Variants in MAL2 observed in about 807,000 individuals in gnomAD.
The protein encoded by MAL2 is mal, T cell differentiation protein 2.
In MAL2, 17 loss-of-function variants were observed where a neutral mutation model predicts 18.1. That is an observed-to-expected ratio of 0.94 (90% CI 0.64 to 1.41). MAL2 has a LOEUF of 1.41. Among genes scored for constraint, MAL2 ranks in the 40% most tolerant of loss-of-function variants. The pLI is 0.00. For missense variants in MAL2, 222 were observed against 231.9 expected (o/e 0.96, Z 0.28); for synonymous variants, 102 against 102.3 (o/e 1.00, Z 0.02).
intron 2 of MAL2, among the ~76,000 whole-genome samples, chr8:119,238,983 A>G (rs1460664356): frequency 6.6e-6 from 1 of 151,812 alleles, no homozygotes; most frequent in Non-Finnish European, 1.5e-5. Context: ...ATCAGAGTGA[A>G]CAGGCAACCT....
chr8:119,229,127 T>C (rs977868875), intron 2 of MAL2, among the ~76,000 whole-genome samples: 3 of 152,186 alleles, frequency 2.0e-5, no homozygotes, highest in Non-Finnish European at 4.4e-5. Flanking sequence ...TTTGGCTACG[T>C]AGCATTCTAA....
At chr8:119,218,253 A>G (rs1053942985) in intron 1 of MAL2, among the ~76,000 whole-genome samples, 11 of 152,056 alleles carry the variant, frequency 7.2e-5, no homozygotes, top group African/African-American at 2.7e-4. Context: ...TCCCCTTTCC[A>G]TGCAGCACAT....
Position 119,243,606 on chromosome 8 carries a change from G to A in MAL2, c.*118G>A, listed in dbSNP as rs1818094353. The A allele has an allele frequency of 1.4e-6, 1 of 726,688 alleles. No individual in the cohort carries two copies. 45.0% of individuals were successfully genotyped at this position (726,688 alleles called of 1,614,324 possible). A position where few individuals can be genotyped will look rare whatever the true frequency, so the allele number is the denominator to read the frequency against. On this transcript the variant is annotated 3_prime_UTR_variant, in exon 4 of 4. Transcript: ENST00000614891. ...CATTCCAAAAGTAATGTGTTTAGTA[G>A]AGAGAGACTCTAAGCTCAAGTTCTG...
chr8:119,231,272 TC>T (rs1817721216), intron 2 of MAL2, among the ~76,000 whole-genome samples: 1 of 152,164 alleles, frequency 6.6e-6, no homozygotes, highest in Non-Finnish European at 1.5e-5. Context: ...GACCTCATGA[TC>T]CGCCCGCCTT....
chr8:119,217,905 T>A (rs1039557275), intron 1 of MAL2, among the ~76,000 whole-genome samples: 14 of 152,300 alleles, frequency 9.2e-5, no homozygotes, highest in Middle Eastern at 3.4e-3. Flanking sequence ...TGAGCATTGG[T>A]CATCTCAATT....
Position 119,243,470 on chromosome 8 carries a change from A to C in MAL2, c.513A>C (p.Leu171Phe), listed in dbSNP as rs779371835. 35 of 1,600,990 alleles carry C rather than the reference A, an allele frequency of 2.2e-5. No homozygotes were observed. The highest frequency in any genetic ancestry group is 2.8e-5 in the Non-Finnish European group (33 of 1,173,020). ...ACYGCSLGLALRRWRP is the reference protein window; with the variant it reads ...ACYGCSLGLAFRRWRP The stretch of plus-strand genomic sequence containing the variant: ...ATGGTTGCAGTTTGGGTCTGGCTTT[A>C]CGAAGATGGCGACCGTAACACTCCT... The change falls in exon 4 of 4, where the codon TTA becomes TTC. Residue 171 changes from leucine to phenylalanine, a missense_variant. Transcript: ENST00000614891.
rs1362610485 is a variant in MAL2, at chr8:119,243,510, C to T, written c.*22C>T. 7 of 1,563,354 alleles carry T rather than the reference C, an allele frequency of 4.5e-6. No homozygotes were observed. The Admixed American group carries it at 5.7e-5, about 13-fold the overall frequency. ...GTAACACTCCTTAGAAACTGGCAGTCGTATGTTAGTTTCACTTGTCTACTT... is the reference window on the plus strand; with the variant it reads ...GTAACACTCCTTAGAAACTGGCAGTTGTATGTTAGTTTCACTTGTCTACTT... On this transcript the variant is annotated 3_prime_UTR_variant, in exon 4 of 4. Transcript: ENST00000614891.
At chr8:119,228,862 T>G (rs1817650033) in intron 2 of MAL2, among the ~76,000 whole-genome samples, 1 of 152,216 alleles carries the variant, frequency 6.6e-6, no homozygotes, top group South Asian at 2.1e-4. Context: ...TCAGTTTTCA[T>G]TCATTTACTA....
At chr8:119,217,347 C>T (rs1817373767) in intron 1 of MAL2, among the ~76,000 whole-genome samples, 1 of 152,188 alleles carries the variant, frequency 6.6e-6, no homozygotes, top group Non-Finnish European at 1.5e-5. Context: ...TTGAGTACTT[C>T]TGGTATGTAC....
chr8:119,234,450 G>C (rs934897145), intron 2 of MAL2, among the ~76,000 whole-genome samples: 2 of 152,178 alleles, frequency 1.3e-5, no homozygotes, highest in African/African-American at 4.8e-5. Context: ...ACTGGGTGGA[G>C]CCCACCACAG....
intron 2 of MAL2, among the ~76,000 whole-genome samples, chr8:119,228,496 G>A (rs1435271949): frequency 6.6e-6 from 1 of 152,100 alleles, no homozygotes; most frequent in African/African-American, 2.4e-5. Context: ...GCATCCTAAA[G>A]GATGACCCCC....
chr8:119,244,812 G>A lies in MAL2; in HGVS notation c.*1324G>A, dbSNP rs905875824. The A allele has an allele frequency of 2.0e-5, 3 of 152,526 alleles. No homozygotes were observed. The highest frequency in any genetic ancestry group is 6.6e-5 in the Admixed American group (1 of 15,252). 9.4% of individuals were successfully genotyped at this position (152,526 alleles called of 1,614,324 possible). ...CACAGAAAAGTATTTTAACCTACCT[G>A]TAGAGATCCTCGTCATGGAAAGGTG... On this transcript the variant is annotated 3_prime_UTR_variant, in exon 4 of 4. Transcript: ENST00000614891.
intron 2 of MAL2, among the ~76,000 whole-genome samples, chr8:119,226,322 G>C (rs1213500478): frequency 1.3e-5 from 2 of 151,804 alleles, no homozygotes; most frequent in Non-Finnish European, 2.9e-5. Flanking sequence ...TGTATAAGGT[G>C]TAAGGAAGGG....
chr8:119,221,364 G>A, intron 1 of MAL2: 1 of 511,400 alleles, frequency 2.0e-6, no homozygotes, highest in Non-Finnish European at 3.5e-6. Context: ...AGATACAGGT[G>A]TGGAGTTGGA....
At chr8:119,233,855 C>A (rs575699566) in intron 2 of MAL2, among the ~76,000 whole-genome samples, 1 of 151,922 alleles carries the variant, frequency 6.6e-6, no homozygotes, top group African/African-American at 2.4e-5. Context: ...ATACCAAAGC[C>A]GGGAAGAGAC....
intron 2 of MAL2, among the ~76,000 whole-genome samples, chr8:119,237,992 T>A (rs1226385530): frequency 6.6e-6 from 1 of 152,206 alleles, no homozygotes; most frequent in African/African-American, 2.4e-5. Flanking sequence ...GAGGAAGTCA[T>A]ATTGTCCCTG....
At chr8:119,227,022 T>C (rs2129837792) in intron 2 of MAL2, among the ~76,000 whole-genome samples, 1 of 152,276 alleles carries the variant, frequency 6.6e-6, no homozygotes, top group African/African-American at 2.4e-5. Flanking sequence ...ATAGGTACAG[T>C]CCACCAGGGG....
In MAL2 at chr8:119,243,878, A is replaced by G. The variant is rs1818100418; in HGVS notation, c.*390A>G. ...CAGCCCCTAAAAAAAACACATTTCA[A>G]ATAGGCTTCCCACTAAACTCTATAT... On this transcript the variant is annotated 3_prime_UTR_variant, in exon 4 of 4. Coordinates refer to ENST00000614891, the MANE Select transcript of MAL2 (RefSeq NM_052886.3). The G allele has an allele frequency of 6.4e-6, 1 of 155,630 alleles. No individual in the cohort carries two copies. The highest frequency in any genetic ancestry group is 2.4e-5 in the African/African-American group (1 of 41,602). The allele number at this position is 155,630 out of a possible 1,614,324, so 9.6% of individuals were successfully genotyped here.
chr8:119,223,837 T>C (rs1319695553), intron 2 of MAL2: 1 of 152,154 alleles, frequency 6.6e-6, no homozygotes, highest in Non-Finnish European at 1.5e-5. Context: ...CATTTTTTAT[T>C]GCATGGCTTG....
Sources: gnomAD v4.1 joint callset for allele counts (sites outside exome capture counted in the v4.1 genomes callset) on GRCh38, gnomAD v4.1.1 for gene constraint, MANE v1.5 for transcripts, NCBI Gene and HGNC (gene_info 2026-07-23, HGNC 2026-07-21) for gene names.